PPP3CA: variants seen among roughly 807,000 people sequenced by gnomAD.
PPP3CA encodes protein phosphatase 3 catalytic subunit alpha.
A neutral mutation model predicts 66.5 loss-of-function variants in PPP3CA; 14 were observed. That is an observed-to-expected ratio of 0.21 (90% confidence interval 0.14 to 0.33). The LOEUF (loss-of-function observed/expected upper bound fraction) is 0.33, where lower values mean the gene tolerates loss of function less well. Among genes scored for constraint, PPP3CA ranks in the 10% least tolerant of loss-of-function variants. The pLI is 1.00. For missense variants in PPP3CA, 317 were observed against 639.5 expected (o/e 0.50, Z 5.44); for synonymous variants, 232 against 226.2 (o/e 1.03, Z -0.23).
intron 1 of PPP3CA, among the ~76,000 whole-genome samples, chr4:101,202,176 T>C (rs114135997): frequency 6.6e-6 from 1 of 152,092 alleles, no homozygotes; most frequent in African/African-American, 2.4e-5. Context: ...CAGTTGCAGA[T>C]TTCTCTTATT....
At chr4:101,325,354 G>C (rs1034746033) in intron 1 of PPP3CA, among the ~76,000 whole-genome samples, 1 of 152,214 alleles carries the variant, frequency 6.6e-6, no homozygotes, top group African/African-American at 2.4e-5. Context: ...CTACTGTTAT[G>C]TGGACCACAC....
At chr4:101,205,762 G>A (rs1578553270) in intron 1 of PPP3CA, among the ~76,000 whole-genome samples, 1 of 152,186 alleles carries the variant, frequency 6.6e-6, no homozygotes, top group South Asian at 2.1e-4. Flanking sequence ...TTAATAAAAT[G>A]GCAAACATAT....
intron 1 of PPP3CA, among the ~76,000 whole-genome samples, chr4:101,298,746 T>C (rs1025820039): frequency 2.0e-5 from 3 of 152,100 alleles, no homozygotes; most frequent in East Asian, 3.9e-4. Context: ...AGTAGGCTAT[T>C]AGTAGTTAAG....
intron 6 of PPP3CA, among the ~76,000 whole-genome samples, chr4:101,087,015 A>T (rs949978520): frequency 2.6e-5 from 4 of 152,182 alleles, no homozygotes; most frequent in African/African-American, 9.6e-5. Flanking sequence ...ACAAGGAGGA[A>T]GCCACAGTCT....
At chr4:101,197,607 CTAGAG>C (rs1724841002) in intron 1 of PPP3CA, among the ~76,000 whole-genome samples, 1 of 152,216 alleles carries the variant, frequency 6.6e-6, no homozygotes, top group South Asian at 2.1e-4. Flanking sequence ...GTTATACTAA[CTAGAG>C]TAAATAGTAA....
chr4:101,343,291 G>A, intron 1 of PPP3CA, among the ~76,000 whole-genome samples: 1 of 152,090 alleles, frequency 6.6e-6, no homozygotes, highest in Non-Finnish European at 1.5e-5. Flanking sequence ...TTTCCTCTAA[G>A]TATTTTTAAC....
intron 1 of PPP3CA, among the ~76,000 whole-genome samples, chr4:101,279,824 A>T (rs760999764): frequency 2.1e-4 from 32 of 152,250 alleles, no homozygotes; most frequent in Non-Finnish European, 3.7e-4. Context: ...TAGAATGAGC[A>T]ATTTGCTCAG....
At chr4:101,068,516 A>G (rs1728777539) in intron 8 of PPP3CA, among the ~76,000 whole-genome samples, 1 of 152,096 alleles carries the variant, frequency 6.6e-6, no homozygotes, top group Non-Finnish European at 1.5e-5. Context: ...GTTTTCAAAA[A>G]TCTGTATTTT....
chr4:101,107,849 T>C (rs1721483763), intron 3 of PPP3CA, among the ~76,000 whole-genome samples: 1 of 152,230 alleles, frequency 6.6e-6, no homozygotes, highest in Non-Finnish European at 1.5e-5. Context: ...GACAATAATG[T>C]TGATTTCTCT....
intron 1 of PPP3CA, among the ~76,000 whole-genome samples, chr4:101,255,624 C>G (rs1046231473): frequency 3.3e-5 from 5 of 151,576 alleles, no homozygotes; most frequent in Admixed American, 6.6e-5. Flanking sequence ...TATTGTCAAC[C>G]AAAAGTAAGT....
At chr4:101,341,871 G>GAAGTATT (rs1401667249) in intron 1 of PPP3CA, among the ~76,000 whole-genome samples, 1 of 152,130 alleles carries the variant, frequency 6.6e-6, no homozygotes, top group Non-Finnish European at 1.5e-5. Context: ...CATAGTTCTA[G>GAAGTATT]AAGTATTCAA....
intron 2 of PPP3CA, among the ~76,000 whole-genome samples, chr4:101,172,723 T>C (rs1054358286): frequency 6.6e-6 from 1 of 152,148 alleles, no homozygotes; most frequent in Admixed American, 6.6e-5. Flanking sequence ...ATCTAGTTTT[T>C]AAATCAGGAC....
chr4:101,174,987 G>A (rs1348449567), intron 2 of PPP3CA, among the ~76,000 whole-genome samples: 1 of 152,128 alleles, frequency 6.6e-6, no homozygotes, highest in Non-Finnish European at 1.5e-5. Context: ...TGAAATCCAT[G>A]TTCAGGGGGA....
intron 10 of PPP3CA, among the ~76,000 whole-genome samples, chr4:101,042,274 C>G (rs899711554): frequency 6.8e-6 from 1 of 147,720 alleles, no homozygotes; most frequent in African/African-American, 2.5e-5. Flanking sequence ...GATGCTAACA[C>G]AAACCCATCT....
intron 1 of PPP3CA, among the ~76,000 whole-genome samples, chr4:101,333,492 G>C (rs1729516487): frequency 6.6e-6 from 1 of 151,466 alleles, no homozygotes; most frequent in Non-Finnish European, 1.5e-5. Flanking sequence ...ATACTTAATA[G>C]GAAGACAATC....
chr4:101,106,463 A>AGAAGAGAAGAGAAGAGAAG lies in PPP3CA; in HGVS notation c.384+2490_384+2491insCTTCTCTTCTCTTCTCTTC, dbSNP rs1560605247. On this transcript the variant is annotated intron_variant, in intron 3 of 13. Transcript: ENST00000394854. ...AAAGAAAGAAAGAAAGAGAAAAGAA[A>AGAAGAGAAGAGAAGAGAAG]AGAAAAGAAAAGAAAAGAAAAGAAA... Among the ~76,000 whole-genome samples, 13 of 33,754 alleles carry AGAAGAGAAGAGAAGAGAAG rather than the reference A, an allele frequency of 3.9e-4. 1 individual carries two copies. The highest frequency in any genetic ancestry group is 6.3e-4 in the Non-Finnish European group (11 of 17,366). 22.1% of individuals were successfully genotyped at this position (33,754 alleles called of 152,430 possible). A position where few individuals can be genotyped will look rare whatever the true frequency, so the allele number is the denominator to read the frequency against.
rs549290435 is a variant in PPP3CA, at chr4:101,256,638, T to G, written c.59-60522A>C. Among the ~76,000 whole-genome samples, 83 of 152,096 alleles carry G rather than the reference T, an allele frequency of 5.5e-4. 1 individual carries two copies. Among genetic ancestry groups the G allele is most frequent in the South Asian group, 2.5e-3 (12 of 4,824 alleles). On this transcript the variant is annotated intron_variant, in intron 1 of 13. Transcript: ENST00000394854. ...GAAGTCTGATGAAGTTAAACTGAGA[T>G]ATGATGATTGCAGAGTTTTAATGAT...
At chr4:101,148,969 G>A (rs899453866) in intron 2 of PPP3CA, among the ~76,000 whole-genome samples, 6 of 152,180 alleles carry the variant, frequency 3.9e-5, no homozygotes, top group Admixed American at 6.5e-5. Flanking sequence ...TTCTTTACTA[G>A]CATGCCATAT....
Position 101,114,339 on chromosome 4 carries a change from T to C in PPP3CA, c.260-5261A>G, listed in dbSNP as rs1200285504. 2.0e-5 allele frequency among the ~76,000 whole-genome samples: 3 copies of C among 152,124 alleles called. No individual in the cohort carries two copies. The East Asian group carries it at 5.8e-4, about 29-fold the overall frequency. ...TAAGTTTATTTTTCTGGAGCATTAC[T>C]ATTCATATCTGTTAGCAACCTGATA... is the stretch of plus-strand genomic sequence containing the variant. On this transcript the variant is annotated intron_variant, in intron 2 of 13. Transcript: ENST00000394854.
Sources: allele counts gnomAD v4.1 joint callset (sites outside exome capture counted in the v4.1 genomes callset), GRCh38; gene constraint gnomAD v4.1.1; transcripts MANE v1.5; gene names NCBI Gene and HGNC (gene_info 2026-07-23, HGNC 2026-07-21).